HTR4: variants seen among roughly 807,000 people sequenced by gnomAD.
HTR4 encodes 5-hydroxytryptamine (serotonin) receptor 4, G protein-coupled.
Under a neutral mutation model 36.8 loss-of-function variants are expected in HTR4, and 16 were observed. That is an observed-to-expected ratio of 0.43 (90% CI 0.29 to 0.66). HTR4 has a LOEUF of 0.66. Among genes scored for constraint, HTR4 ranks in the 30% least tolerant of loss-of-function variants. HTR4 has a pLI of 0.13. For synonymous variants in HTR4, 189 were observed against 185.1 expected (o/e 1.02, Z -0.17); for missense variants, 438 against 490.9 (o/e 0.89, Z 1.02).
intron 2 of HTR4, among the ~76,000 whole-genome samples, chr5:148,612,671 C>G (rs1752486850): frequency 7.2e-6 from 1 of 138,646 alleles, no homozygotes; most frequent in Admixed American, 7.2e-5. Context: ...CAAGAAATAA[C>G]TAAAATCAGA....
intron 2 of HTR4, among the ~76,000 whole-genome samples, chr5:148,620,387 G>A (rs192047629): frequency 1.3e-5 from 2 of 152,296 alleles, no homozygotes; most frequent in East Asian, 3.9e-4. Flanking sequence ...AGGGAAGGTG[G>A]TGACCCACTT....
chr5:148,524,906 G>A (rs769381846), intron 4 of HTR4, among the ~76,000 whole-genome samples: 34 of 152,294 alleles, frequency 2.2e-4, no homozygotes, highest in Non-Finnish European at 2.9e-4. Context: ...GGAGAGCCCC[G>A]TGTTGGAGCA....
At chr5:148,580,622 A>T (rs1761094449) in intron 2 of HTR4, among the ~76,000 whole-genome samples, 2 of 152,028 alleles carry the variant, frequency 1.3e-5, no homozygotes, top group Non-Finnish European at 2.9e-5. Flanking sequence ...AACATACAAT[A>T]TTTGTCTTTC....
chr5:148,528,029 C>T (rs1467222776), intron 4 of HTR4, among the ~76,000 whole-genome samples: 1 of 152,060 alleles, frequency 6.6e-6, no homozygotes, highest in Non-Finnish European at 1.5e-5. Context: ...CCAAACATGC[C>T]CAAACACAGA....
intron 2 of HTR4, among the ~76,000 whole-genome samples, chr5:148,609,846 G>T (rs555348176): frequency 3.0e-4 from 46 of 152,254 alleles, no homozygotes; most frequent in African/African-American, 1.1e-3. Flanking sequence ...GATTACAGGC[G>T]TGAGCCACCA....
chr5:148,462,600 T>C (rs1755304381), intron 5 of HTR4, among the ~76,000 whole-genome samples: 1 of 151,878 alleles, frequency 6.6e-6, no homozygotes, highest in Non-Finnish European at 1.5e-5. Flanking sequence ...AAGGAAGAAA[T>C]TATACCAATT....
intron 5 of HTR4, among the ~76,000 whole-genome samples, chr5:148,464,211 C>T (rs981194242): frequency 5.9e-5 from 9 of 151,774 alleles, no homozygotes; most frequent in Non-Finnish European, 1.0e-4. Context: ...TAACACCAAA[C>T]GTACAATTCA....
chr5:148,605,964 G>A (rs942692169), intron 2 of HTR4, among the ~76,000 whole-genome samples: 3 of 152,140 alleles, frequency 2.0e-5, no homozygotes, highest in African/African-American at 7.2e-5. Context: ...TATGCTTAGT[G>A]GGGGATAATT....
At chr5:148,628,343 G>A (rs1050535029) in intron 2 of HTR4, 10 of 152,224 alleles carry the variant, frequency 6.6e-5, no homozygotes, top group African/African-American at 2.4e-4. Context: ...TACTTCATAT[G>A]TAATGCTGGG....
chr5:148,465,380 C>G (rs1409864544), intron 5 of HTR4, among the ~76,000 whole-genome samples: 1 of 152,096 alleles, frequency 6.6e-6, no homozygotes, highest in Non-Finnish European at 1.5e-5. Context: ...ATGCTGTGAA[C>G]CTAAAACTGC....
intron 5 of HTR4, among the ~76,000 whole-genome samples, chr5:148,514,769 A>T (rs534467641): frequency 1.1e-4 from 16 of 152,278 alleles, no homozygotes; most frequent in African/African-American, 3.6e-4. Context: ...TATTTTTATC[A>T]TTATGAAATA....
intron 2 of HTR4, among the ~76,000 whole-genome samples, chr5:148,626,645 CA>C (rs986846620): frequency 4.6e-5 from 7 of 152,174 alleles, no homozygotes; most frequent in Non-Finnish European, 5.9e-5. Context: ...CCTAATTATG[CA>C]AAATGCTTGT....
At chr5:148,512,068 T>C (rs907773530) in intron 5 of HTR4, among the ~76,000 whole-genome samples, 1 of 152,176 alleles carries the variant, frequency 6.6e-6, no homozygotes, top group Non-Finnish European at 1.5e-5. Flanking sequence ...TGATTAGCAC[T>C]CTGGTTCCTT....
intron 2 of HTR4, among the ~76,000 whole-genome samples, chr5:148,617,317 T>C (rs1752736085): frequency 6.6e-6 from 1 of 152,218 alleles, no homozygotes; most frequent in African/African-American, 2.4e-5. Flanking sequence ...GCCAGGCAGA[T>C]GCTAGTGCCT....
intron 2 of HTR4, among the ~76,000 whole-genome samples, chr5:148,584,228 T>C (rs1393872058): frequency 1.3e-5 from 2 of 152,150 alleles, no homozygotes; most frequent in Non-Finnish European, 2.9e-5. Context: ...TTTTAGACTT[T>C]ATCTAGTACA....
chr5:148,621,423 C>A (rs1752915398), intron 2 of HTR4, among the ~76,000 whole-genome samples: 1 of 152,198 alleles, frequency 6.6e-6, no homozygotes, highest in Non-Finnish European at 1.5e-5. Flanking sequence ...GTCTTCCAGT[C>A]CTGTCTTCCA....
chr5:148,583,776 C>T (rs577447937), intron 2 of HTR4, among the ~76,000 whole-genome samples: 10 of 152,140 alleles, frequency 6.6e-5, no homozygotes, highest in African/African-American at 1.4e-4. Context: ...AAGGCATTTC[C>T]GGGGAGCTCC....
At chr5:148,505,693 A>G (rs1370697847) in intron 6 of HTR4, among the ~76,000 whole-genome samples, 1 of 152,210 alleles carries the variant, frequency 6.6e-6, no homozygotes, top group South Asian at 2.1e-4. Context: ...TACAAAATCA[A>G]TGTGCAAAAA....
At chr5:148,474,053 A>C (rs1205001162), downstream of HTR4, among the ~76,000 whole-genome samples, 1 of 152,086 alleles carries the variant, frequency 6.6e-6, no homozygotes, top group African/African-American at 2.4e-5. Flanking sequence ...TGCAATAATA[A>C]GAGTGACCCT....
Sources: allele counts gnomAD v4.1 joint callset (sites outside exome capture counted in the v4.1 genomes callset), GRCh38; gene constraint gnomAD v4.1.1; transcripts MANE v1.5; gene names NCBI Gene and HGNC (gene_info 2026-07-23, HGNC 2026-07-21).